Variants in ERC2 observed in about 807,000 individuals in gnomAD.
ERC2 encodes ELKS/RAB6-interacting/CAST family member 2.
Under a neutral mutation model 114.8 loss-of-function variants are expected in ERC2, and 42 were observed. The ratio of observed to expected loss-of-function variants is 0.37; its 90% confidence interval spans 0.29 to 0.47. ERC2 has a LOEUF of 0.47. ERC2 is among the 20% of genes least tolerant of loss of function. ERC2 has a pLI of 0.99. For missense variants in ERC2, 939 were observed against 1,150.7 expected, an observed-to-expected ratio of 0.82 and a Z score of 2.66; for synonymous variants, 454 against 425.5, an observed-to-expected ratio of 1.07 and a Z score of -0.82.
chr3:55,875,655 A>G (rs1370377754), intron 14 of ERC2, among the ~76,000 whole-genome samples: 1 of 151,778 alleles, frequency 6.6e-6, no homozygotes, highest in African/African-American at 2.4e-5. Flanking sequence ...CAAAATTGCC[A>G]GAGCCAGACC....
intron 2 of ERC2, among the ~76,000 whole-genome samples, chr3:56,351,488 T>C (rs2058550860): frequency 6.6e-6 from 1 of 151,504 alleles, no homozygotes; most frequent in African/African-American, 2.4e-5. Flanking sequence ...CATCATCACC[T>C]GAAAGAAAGG....
At chr3:56,030,312 T>A (rs1205517146) in intron 7 of ERC2, among the ~76,000 whole-genome samples, 1 of 152,196 alleles carries the variant, frequency 6.6e-6, no homozygotes. Flanking sequence ...TAAATAGCAA[T>A]CAGTTGATAG....
At chr3:55,854,177 A>T in intron 14 of ERC2, among the ~76,000 whole-genome samples, 1 of 152,160 alleles carries the variant, frequency 6.6e-6, no homozygotes, top group Non-Finnish European at 1.5e-5. Context: ...TGGGAAGCTG[A>T]GGCACGAGAA....
intron 14 of ERC2, among the ~76,000 whole-genome samples, chr3:55,868,092 C>A (rs911848166): frequency 6.6e-6 from 1 of 152,170 alleles, no homozygotes; most frequent in Non-Finnish European, 1.5e-5. Flanking sequence ...GCTTTCCTGA[C>A]GATGTGTACG....
rs1484434585 is a variant in ERC2 at position 55,992,170 on chromosome 3, G to A, written c.2142C>T (p.Tyr714=). ...GGGCCTTGCCACACTCGTCGCGGTA[G>A]TAAGACGCCTCTTTATCGAGCTGTT... ...QIKQLDKEAS[Y]YRDECGKAQA... Residue 714 remains tyrosine (Y), a synonymous_variant, in exon 11 of 18, where the codon TAC becomes TAT. Transcript: ENST00000288221. The A allele has an allele frequency of 4.3e-6, 7 of 1,613,806 alleles. No homozygotes were observed. The highest frequency in any genetic ancestry group is 5.9e-6 in the Non-Finnish European group (7 of 1,179,856).
At chr3:55,881,373 A>G (rs912126277) in intron 14 of ERC2, among the ~76,000 whole-genome samples, 1 of 152,182 alleles carries the variant, frequency 6.6e-6, no homozygotes, top group Non-Finnish European at 1.5e-5. Flanking sequence ...GTAAATTAAG[A>G]TGAATTGCAC....
At chr3:56,368,727 T>C (rs1273510033) in intron 2 of ERC2, among the ~76,000 whole-genome samples, 1 of 152,106 alleles carries the variant, frequency 6.6e-6, no homozygotes, top group African/African-American at 2.4e-5. Context: ...TCATGTACTA[T>C]GCCCAGCTTG....
At chr3:55,650,107 T>C (rs905101665) in intron 17 of ERC2, among the ~76,000 whole-genome samples, 5 of 152,216 alleles carry the variant, frequency 3.3e-5, no homozygotes, top group African/African-American at 1.2e-4. Context: ...TGGCTATTTA[T>C]GACTGGAAAG....
intron 17 of ERC2, among the ~76,000 whole-genome samples, chr3:55,529,436 T>C (rs1445198259): frequency 6.6e-6 from 1 of 152,202 alleles, no homozygotes; most frequent in Non-Finnish European, 1.5e-5. Context: ...TCCCAAAATA[T>C]CTTGGAATTT....
At chr3:55,682,066 T>C (rs1394671121) in intron 17 of ERC2, among the ~76,000 whole-genome samples, 1 of 152,246 alleles carries the variant, frequency 6.6e-6, no homozygotes, top group Non-Finnish European at 1.5e-5. Context: ...TCCATGCATG[T>C]TTGAGGCAGG....
At chr3:55,807,636 C>T (rs191181117) in intron 14 of ERC2, among the ~76,000 whole-genome samples, 12 of 152,188 alleles carry the variant, frequency 7.9e-5, no homozygotes, top group Non-Finnish European at 1.3e-4. Flanking sequence ...TTTGGCCAGC[C>T]GCAGTTTTCT....
chr3:56,129,280 G>A (rs73078458), intron 6 of ERC2, among the ~76,000 whole-genome samples: 4,607 of 152,272 alleles, frequency 0.03, 153 homozygotes, highest in African/African-American at 0.077. Flanking sequence ...GTAAATATAC[G>A]TAAAGAAACC....
At chr3:56,421,137 C>T (rs2061374194) in intron 2 of ERC2, among the ~76,000 whole-genome samples, 2 of 152,226 alleles carry the variant, frequency 1.3e-5, no homozygotes, top group South Asian at 4.2e-4. Flanking sequence ...TTCCAGGAGG[C>T]TACTGAAGTT....
chr3:56,292,298 T>G (rs2055137759), intron 3 of ERC2, among the ~76,000 whole-genome samples: 1 of 151,814 alleles, frequency 6.6e-6, no homozygotes, highest in Non-Finnish European at 1.5e-5. Context: ...AGAAATGGGA[T>G]GTAGGCCAGG....
chr3:55,753,334 C>T (rs1264344757), intron 14 of ERC2, among the ~76,000 whole-genome samples: 1 of 152,178 alleles, frequency 6.6e-6, no homozygotes, highest in Non-Finnish European at 1.5e-5. Context: ...AGTCACTTGA[C>T]TTTACGTATC....
At chr3:55,590,555 A>G (rs1035576622) in intron 17 of ERC2, among the ~76,000 whole-genome samples, 4 of 152,258 alleles carry the variant, frequency 2.6e-5, no homozygotes, top group African/African-American at 9.6e-5. Context: ...ATGCTGCATT[A>G]GAGACCAGAG....
At chr3:55,942,115 A>G (rs2066831981) in intron 13 of ERC2, among the ~76,000 whole-genome samples, 1 of 152,058 alleles carries the variant, frequency 6.6e-6, no homozygotes, top group South Asian at 2.1e-4. Flanking sequence ...CACAAATGGC[A>G]CTGGGCAAGG....
At chr3:56,085,468 A>G (rs1159715344) in intron 6 of ERC2, among the ~76,000 whole-genome samples, 1 of 152,134 alleles carries the variant, frequency 6.6e-6, no homozygotes, top group Non-Finnish European at 1.5e-5. Context: ...CTTCTCACAT[A>G]ATAGCCAGAA....
chr3:56,415,384 T>A (rs2061109795), intron 2 of ERC2, among the ~76,000 whole-genome samples: 1 of 152,206 alleles, frequency 6.6e-6, no homozygotes, highest in Non-Finnish European at 1.5e-5. Context: ...AAACATTAAC[T>A]CTATAACTAT....
Sources: allele counts gnomAD v4.1 joint callset (sites outside exome capture counted in the v4.1 genomes callset), GRCh38; gene constraint gnomAD v4.1.1; transcripts MANE v1.5; gene names NCBI Gene and HGNC (gene_info 2026-07-23, HGNC 2026-07-21).